LRRC4C: variants seen among roughly 807,000 people sequenced by gnomAD.
The protein encoded by LRRC4C is leucine rich repeat containing 4C, also known as leucine-rich repeat-containing protein 4C.
In LRRC4C, 5 loss-of-function variants were observed where a neutral mutation model predicts 33.6. The ratio of observed to expected loss-of-function variants is 0.15; its 90% confidence interval spans 0.08 to 0.31. The LOEUF is 0.31. Among genes scored for constraint, LRRC4C ranks in the 10% least tolerant of loss-of-function variants. The pLI is 1.00. For missense variants in LRRC4C, 560 were observed against 796.7 expected, an observed-to-expected ratio of 0.70 and a Z score of 3.58; for synonymous variants, 329 against 302.0, an observed-to-expected ratio of 1.09 and a Z score of -0.93.
chr11:40,265,232 T>A (rs1354350871), intron 4 of LRRC4C, among the ~76,000 whole-genome samples: 1 of 152,194 alleles, frequency 6.6e-6, no homozygotes, highest in Non-Finnish European at 1.5e-5. Flanking sequence ...AGTGGGTCTG[T>A]CTTTCATTAT....
intron 3 of LRRC4C, among the ~76,000 whole-genome samples, chr11:40,634,584 G>A (rs1963787884): frequency 6.6e-6 from 1 of 152,074 alleles, no homozygotes; most frequent in South Asian, 2.1e-4. Context: ...AAAAATAAAT[G>A]CTTGGCTGGG....
At chr11:40,859,856 C>G (rs1010230712) in intron 2 of LRRC4C, among the ~76,000 whole-genome samples, 131 of 152,144 alleles carry the variant, frequency 8.6e-4, no homozygotes, top group Non-Finnish European at 1.0e-3. Flanking sequence ...GCGGGCGGAT[C>G]GCGAGGTCAG....
intron 2 of LRRC4C, among the ~76,000 whole-genome samples, chr11:40,828,610 A>G (rs1385672404): frequency 3.3e-5 from 5 of 151,914 alleles, no homozygotes; most frequent in African/African-American, 1.2e-4. Flanking sequence ...GTGTCCTACC[A>G]TATTTTAAAC....
chr11:40,119,247 CG>C (rs1855653405), intron 6 of LRRC4C, among the ~76,000 whole-genome samples: 1 of 152,178 alleles, frequency 6.6e-6, no homozygotes. Flanking sequence ...CTGTAAGGAA[CG>C]TTGGTCTTAA....
chr11:41,005,140 T>C (rs959737090), intron 1 of LRRC4C, among the ~76,000 whole-genome samples: 1 of 152,182 alleles, frequency 6.6e-6, no homozygotes, highest in Non-Finnish European at 1.5e-5. Flanking sequence ...GCACATCATA[T>C]GCCTACTGAT....
At chr11:41,430,858 T>C (rs1182648947) in intron 1 of LRRC4C, among the ~76,000 whole-genome samples, 7 of 152,038 alleles carry the variant, frequency 4.6e-5, no homozygotes, top group South Asian at 2.1e-4. Context: ...TTACTAGTTG[T>C]TCTCATCTTA....
At chr11:40,488,993 A>G (rs938647424) in intron 3 of LRRC4C, among the ~76,000 whole-genome samples, 2 of 152,116 alleles carry the variant, frequency 1.3e-5, no homozygotes, top group Non-Finnish European at 2.9e-5. Context: ...GAGCTGGGAT[A>G]AATTCCTGGT....
At chr11:41,252,417 G>A (rs973873371) in intron 1 of LRRC4C, among the ~76,000 whole-genome samples, 12 of 152,128 alleles carry the variant, frequency 7.9e-5, no homozygotes, top group Admixed American at 7.9e-4. Context: ...ACAGCCCAAA[G>A]GAGTAGAGAA....
chr11:40,939,829 T>C (rs1350386852), intron 1 of LRRC4C, among the ~76,000 whole-genome samples: 1 of 152,166 alleles, frequency 6.6e-6, no homozygotes, highest in African/African-American at 2.4e-5. Flanking sequence ...CTTCCTTTGT[T>C]CAATTACCTG....
chr11:40,284,536 T>C (rs1313969389), intron 4 of LRRC4C, among the ~76,000 whole-genome samples: 1 of 152,180 alleles, frequency 6.6e-6, no homozygotes, highest in Non-Finnish European at 1.5e-5. Context: ...TGTTGGATGA[T>C]ATATCTAGAG....
rs1404992166 is a variant in LRRC4C, at chr11:40,331,857, A to G, written c.-269-12136T>C. 2.6e-5 allele frequency among the ~76,000 whole-genome samples: 4 copies of G among 152,156 alleles called. No individual in the cohort carries two copies. The East Asian group carries it at 7.7e-4, about 29-fold the overall frequency. On this transcript the variant is annotated intron_variant, in intron 3 of 6. Coordinates refer to ENST00000528697, the MANE Select transcript of LRRC4C (RefSeq NM_001258419.2). Reference sequence around the variant, plus strand: ...AGGTTATCCAGCTTGCAGGCAGCATATTGTGGTACTTCATAGTTTCCATAA... The same window carrying G: ...AGGTTATCCAGCTTGCAGGCAGCATGTTGTGGTACTTCATAGTTTCCATAA...
intron 1 of LRRC4C, among the ~76,000 whole-genome samples, chr11:41,251,807 G>C (rs779641043): frequency 6.6e-6 from 1 of 152,044 alleles, no homozygotes; most frequent in African/African-American, 2.4e-5. Context: ...TGATAAAGGC[G>C]GAGCATTTGA....
chr11:40,490,824 G>A (rs956961010), intron 3 of LRRC4C, among the ~76,000 whole-genome samples: 1 of 152,080 alleles, frequency 6.6e-6, no homozygotes, highest in African/African-American at 2.4e-5. Flanking sequence ...TTTAGGAAAT[G>A]CAAAATAAAC....
chr11:41,104,716 T>C (rs554954536), intron 1 of LRRC4C, among the ~76,000 whole-genome samples: 2 of 149,326 alleles, frequency 1.3e-5, no homozygotes, highest in African/African-American at 4.8e-5. Context: ...AATAAAAATA[T>C]AGATAAACTG....
At chr11:41,073,807 T>C (rs1424684295) in intron 1 of LRRC4C, among the ~76,000 whole-genome samples, 3 of 152,190 alleles carry the variant, frequency 2.0e-5, no homozygotes, top group Admixed American at 6.5e-5. Flanking sequence ...TGCCATTTCA[T>C]CTCTTTTCCC....
At chr11:40,371,517 T>C (rs897542937) in intron 3 of LRRC4C, among the ~76,000 whole-genome samples, 2 of 152,232 alleles carry the variant, frequency 1.3e-5, no homozygotes, top group African/African-American at 4.8e-5. Context: ...TAAATGGTTA[T>C]AGACCATGGT....
intron 1 of LRRC4C, among the ~76,000 whole-genome samples, chr11:41,295,932 A>C (rs1466114394): frequency 6.6e-6 from 1 of 152,220 alleles, no homozygotes; most frequent in Non-Finnish European, 1.5e-5. Context: ...GAAATATCTA[A>C]TCCATGTTTA....
intron 2 of LRRC4C, among the ~76,000 whole-genome samples, chr11:40,821,912 G>A (rs1331815349): frequency 6.6e-6 from 1 of 151,704 alleles, no homozygotes; most frequent in Admixed American, 6.6e-5. Flanking sequence ...ACATATTTAT[G>A]TATATGTGAT....
At chr11:40,350,733 A>G (rs778902765) in intron 3 of LRRC4C, among the ~76,000 whole-genome samples, 4 of 152,090 alleles carry the variant, frequency 2.6e-5, no homozygotes, top group Non-Finnish European at 5.9e-5. Flanking sequence ...AACATGAAAT[A>G]TCTTTCCATT....
Sources: allele counts gnomAD v4.1 joint callset (sites outside exome capture counted in the v4.1 genomes callset), GRCh38; gene constraint gnomAD v4.1.1; transcripts MANE v1.5; gene names NCBI Gene and HGNC (gene_info 2026-07-23, HGNC 2026-07-21).